Variants in RANBP2 observed in about 807,000 individuals in gnomAD.
RANBP2 encodes E3 SUMO-protein ligase RanBP2.
RANBP2 carries 57 observed loss-of-function variants against 303.6 expected under a neutral mutation model. The ratio of observed to expected loss-of-function variants is 0.19; its 90% confidence interval spans 0.15 to 0.23. The LOEUF (loss-of-function observed/expected upper bound fraction) is 0.23, where lower values mean the gene tolerates loss of function less well. Ranked by LOEUF, RANBP2 falls within the 10% of genes least tolerant of loss-of-function variation. RANBP2 has a pLI of 1.00. For missense variants in RANBP2, 3,138 were observed against 3,780.8 expected (o/e 0.83, Z 4.46); for synonymous variants, 1,167 against 1,301.5 (o/e 0.90, Z 2.23).
chr2:109,371,263 G>C, the RANBP2 span, among the ~76,000 whole-genome samples: 1 of 152,220 alleles, frequency 6.6e-6, no homozygotes, highest in Non-Finnish European at 1.5e-5. Context: ...GGTGGCACAC[G>C]CCTGTAATCC....
At chr2:108,857,679 T>A in the RANBP2 span, among the ~76,000 whole-genome samples, 2 of 152,224 alleles carry the variant, frequency 1.3e-5, no homozygotes, top group Admixed American at 1.3e-4. Context: ...CTACCTAGAT[T>A]AGTAATCTTG....
chr2:109,574,503 T>A, the RANBP2 span: 3 of 764,158 alleles, frequency 3.9e-6, no homozygotes, highest in Non-Finnish European at 5.5e-6. Flanking sequence ...TTACAATATA[T>A]ATCCATATTG....
the RANBP2 span, among the ~76,000 whole-genome samples, chr2:109,097,498 C>G: frequency 0.19 from 29,282 of 151,854 alleles, 3,543 homozygotes; most frequent in Middle Eastern, 0.3. Flanking sequence ...CTTTCAGAAG[C>G]CTTATTGCTT....
At chr2:108,775,300 T>G (rs1677802336) in intron 23 of RANBP2, among the ~76,000 whole-genome samples, 1 of 152,246 alleles carries the variant, frequency 6.6e-6, no homozygotes, top group African/African-American at 2.4e-5. Flanking sequence ...TTGAATAATT[T>G]CAGTTCTCTT....
the RANBP2 span, chr2:109,732,986 G>C: frequency 1.0e-5 from 6 of 594,530 alleles, no homozygotes; most frequent in Admixed American, 1.9e-5. Context: ...TCCCTCTTGG[G>C]GTCATCGTCC....
At chr2:109,544,045 G>A in the RANBP2 span, 1 of 1,050,378 alleles carries the variant, frequency 9.5e-7, no homozygotes, top group Non-Finnish European at 1.4e-6. Context: ...GTGGGGTCAA[G>A]TCAGTGCTCA....
rs763863377 is a variant in RANBP2, at chr2:108,768,150, C to T, written c.7611C>T (p.Asn2537=). The T allele has an allele frequency of 6.2e-7, 1 of 1,612,048 alleles. No individual in the cohort carries two copies. Among genetic ancestry groups the T allele is most frequent in the East Asian group, 2.2e-5 (1 of 44,888 alleles). ...SEKSKPFAFG[N]SSATGSLFGF... is the part of the protein sequence containing the mutation. ...AATCAAAACCATTTGCATTCGGCAA[C>T]AGTTCAGCCACTGGGTCTTTGTTTG... is the stretch of plus-strand genomic sequence containing the variant. The change falls in exon 20 of 29, where the codon AAC becomes AAT. Residue 2537 remains asparagine (N), a synonymous_variant. Transcript: ENST00000283195.
At chr2:109,016,799 G>A in the RANBP2 span, among the ~76,000 whole-genome samples, 4 of 152,168 alleles carry the variant, frequency 2.6e-5, no homozygotes, top group African/African-American at 9.7e-5. Context: ...AGTTTGGGGT[G>A]GCGTTTTATT....
At chr2:109,080,137 T>C in the RANBP2 span, among the ~76,000 whole-genome samples, 1 of 152,108 alleles carries the variant, frequency 6.6e-6, no homozygotes, top group African/African-American at 2.4e-5. Context: ...CCATCAATAT[T>C]TGAAACTTGG....
chr2:109,507,176 A>G, the RANBP2 span, among the ~76,000 whole-genome samples: 1 of 152,214 alleles, frequency 6.6e-6, no homozygotes, highest in African/African-American at 2.4e-5. Context: ...GACAGAGCAC[A>G]GCCCCTGCCC....
At chr2:108,794,457 C>A in the RANBP2 span, 1 of 1,194,932 alleles carries the variant, frequency 8.4e-7, no homozygotes, top group Non-Finnish European at 1.2e-6. Flanking sequence ...GTACTTAAAG[C>A]ATCTCTTCCT....
At chr2:109,003,330 C>A in the RANBP2 span, among the ~76,000 whole-genome samples, 1 of 151,936 alleles carries the variant, frequency 6.6e-6, no homozygotes, top group East Asian at 1.9e-4. Context: ...CAGCACTTGG[C>A]ACATAGTAGG....
the RANBP2 span, among the ~76,000 whole-genome samples, chr2:109,344,786 G>A: frequency 6.6e-6 from 1 of 152,162 alleles, no homozygotes; most frequent in Admixed American, 6.5e-5. Flanking sequence ...TTGCCGAGCA[G>A]CTGAGTGGGG....
chr2:108,772,824 G>A (rs1303413982), intron 22 of RANBP2, 44 bp from the exon 23 acceptor site: 2 of 1,589,054 alleles, frequency 1.3e-6, no homozygotes, highest in Middle Eastern at 1.8e-4. Context: ...AGAGAAGTTG[G>A]GCTTCATCTA....
At chr2:109,649,876 T>G in the RANBP2 span, among the ~76,000 whole-genome samples, 1 of 152,218 alleles carries the variant, frequency 6.6e-6, no homozygotes, top group South Asian at 2.1e-4. Context: ...AAGAAAAACA[T>G]TGGCTACTTC....
At chr2:108,908,330 C>T in the RANBP2 span, among the ~76,000 whole-genome samples, 1 of 152,176 alleles carries the variant, frequency 6.6e-6, no homozygotes, top group African/African-American at 2.4e-5. Flanking sequence ...ACCTGACACA[C>T]AATGGATGCT....
the RANBP2 span, among the ~76,000 whole-genome samples, chr2:108,842,132 A>G: frequency 3.0e-4 from 46 of 151,992 alleles, no homozygotes; most frequent in East Asian, 8.1e-3. Context: ...GGCTCAAGCA[A>G]TCCTTCTGCC....
the RANBP2 span, among the ~76,000 whole-genome samples, chr2:109,282,559 G>T: frequency 6.6e-6 from 1 of 152,152 alleles, no homozygotes; most frequent in Non-Finnish European, 1.5e-5. Context: ...TCAGCTGACT[G>T]CAGGGCCTGG....
chr2:109,307,669 T>C, the RANBP2 span, among the ~76,000 whole-genome samples: 27,622 of 128,380 alleles, frequency 0.22, 1,600 homozygotes, highest in African/African-American at 0.38. Context: ...TGAGAATATG[T>C]GGTGTTTGGT....
Sources: allele counts gnomAD v4.1 joint callset (sites outside exome capture counted in the v4.1 genomes callset), GRCh38; gene constraint gnomAD v4.1.1; transcripts MANE v1.5; gene names NCBI Gene and HGNC (gene_info 2026-07-23, HGNC 2026-07-21).